AARS1: variants seen among roughly 807,000 people sequenced by gnomAD.
The protein encoded by AARS1 is alanyl-tRNA synthetase 1.
A neutral mutation model predicts 108.9 loss-of-function variants in AARS1; 72 were observed. That is an observed-to-expected ratio of 0.66 (90% CI 0.55 to 0.80). The LOEUF is 0.80. Among genes scored for constraint, AARS1 ranks in the 30% least tolerant of loss-of-function variants. The pLI is 0.00. For synonymous variants in AARS1, 489 were observed against 465.7 expected (o/e 1.05, Z -0.64); for missense variants, 1,193 against 1,233.2 (o/e 0.97, Z 0.49).
Position 70,265,459 on chromosome 16 carries a change from A to T in AARS1, c.1347+79T>A, listed in dbSNP as rs1021817858. 75 of 1,602,578 alleles carry T rather than the reference A, an allele frequency of 4.7e-5. No homozygotes were observed. In the Admixed American group the frequency reaches 1.3e-3, roughly 27 times the overall value. ...GCACTTCAAAGACTTTAATGGAAGG[A>T]AACTCATGCTCAGTCTGCAGCCAAG... is the stretch of plus-strand genomic sequence containing the variant. On this transcript the variant is annotated intron_variant, in intron 10 of 20. Transcript: ENST00000261772.
chr16:70,253,649 G>C, intron 19 of AARS1, 65 bp downstream of exon 19: 2 of 1,557,264 alleles, frequency 1.3e-6, no homozygotes, highest in Non-Finnish European at 1.8e-6. Flanking sequence ...GAGCCACAGA[G>C]GCCACATGTC....
chr16:70,286,949 C>T (rs1960859798), intron 1 of AARS1, among the ~76,000 whole-genome samples: 1 of 151,256 alleles, frequency 6.6e-6, no homozygotes, highest in African/African-American at 2.4e-5. Context: ...AACCCCATCT[C>T]TACTAAAAAT....
chr16:70,286,322 G>A (rs1960837761), intron 1 of AARS1, among the ~76,000 whole-genome samples: 1 of 151,662 alleles, frequency 6.6e-6, no homozygotes, highest in Non-Finnish European at 1.5e-5. Context: ...AAGGTCTTGG[G>A]TGCCTTAAAT....
At position 70,266,922 on chromosome 16, in the gene AARS1, C is replaced by T. The variant is rs560491002; in HGVS notation, c.1222+737G>A. On this transcript the variant is annotated intron_variant, in intron 9 of 20. Transcript: ENST00000261772. ...CATGATTTTGGCTCAATGCAACCTC[C>T]GCCTCCCCGGTTCAAGCAATTCTCC... 2.0e-4 allele frequency among the ~76,000 whole-genome samples: 31 copies of T among 152,190 alleles called. 1 individual carries two copies. Among genetic ancestry groups the T allele is most frequent in the South Asian group, 8.3e-4 (4 of 4,810 alleles).
chr16:70,280,709 T>G (rs181590738), intron 2 of AARS1, among the ~76,000 whole-genome samples: 1 of 152,228 alleles, frequency 6.6e-6, no homozygotes, highest in African/African-American at 2.4e-5. Context: ...TGGGAAGTAC[T>G]GTTTAGTGTC....
At position 70,258,133 on chromosome 16, in the gene AARS1, G is replaced by A. The variant is rs1317777724; in HGVS notation, c.2077C>T (p.Pro693Ser). 6.2e-7 allele frequency: 1 copy of A among 1,612,820 alleles called. No homozygotes were observed. Among genetic ancestry groups the A allele is most frequent in the East Asian group, 2.2e-5 (1 of 44,830 alleles). ...ACCCCAATGGAGACGACTCGCACAG[G>A]GTCAGGATAGGTCTCATCAAACACA... The part of the protein sequence containing the change: ...RAVFDETYPD[P>S]VRVVSIGVPV... The change falls in exon 15 of 21, where the codon CCT becomes TCT. Residue 693 changes from proline to serine, a missense_variant. Physicochemically the swap from Pro to Ser is moderately conservative, Grantham distance 74. Transcript: ENST00000261772.
At chr16:70,270,170 T>C in intron 6 of AARS1, 26 bp downstream of exon 6, 1 of 1,613,878 alleles carries the variant, frequency 6.2e-7, no homozygotes, top group Non-Finnish European at 8.5e-7. Context: ...CACAGAAGTT[T>C]ACAATGTTTG....
In AARS1 at chr16:70,269,688, G is replaced by C; in HGVS notation, c.892C>G (p.Leu298Val). ...ADGIDMAYRV[L>V]ADHARTITVA... is the part of the protein sequence containing the mutation. ...GTGATGGTCCGAGCGTGGTCAGCCAGCACCCGGTAGGCCATGTCAATCCCA... is the reference window on the plus strand; with the variant it reads ...GTGATGGTCCGAGCGTGGTCAGCCACCACCCGGTAGGCCATGTCAATCCCA... The change falls in exon 7 of 21, where the codon CTG (leucine) becomes GTG (valine). Residue 298 changes from leucine to valine, a missense_variant. Leu to Val is a conservative substitution (Grantham distance 32). Transcript: ENST00000261772. 1 of 1,614,140 alleles carries C rather than the reference G, an allele frequency of 6.2e-7. No homozygotes were observed. The highest frequency in any genetic ancestry group is 8.5e-7 in the Non-Finnish European group (1 of 1,180,016).
Position 70,267,825 on chromosome 16 carries a change from C to T in AARS1, c.1072-16G>A, listed in dbSNP as rs1323685357. On this transcript the variant is annotated splice_polypyrimidine_tract_variant and intron_variant, in intron 8 of 20. Coordinates refer to ENST00000261772, the MANE Select transcript of AARS1 (RefSeq NM_001605.3). ...ATGCATCTCCCTGACAAAGGGGAAGCAAGATGAGGGGCTGGATGAAGCCAG... is the reference window on the plus strand; with the variant it reads ...ATGCATCTCCCTGACAAAGGGGAAGTAAGATGAGGGGCTGGATGAAGCCAG... 2.5e-6 allele frequency: 4 copies of T among 1,613,968 alleles called. No homozygotes were observed. Among genetic ancestry groups the T allele is most frequent in the Non-Finnish European group, 3.4e-6 (4 of 1,180,022 alleles).
chr16:70,283,713 G>C (rs1185138789), intron 1 of AARS1, among the ~76,000 whole-genome samples: 1 of 152,160 alleles, frequency 6.6e-6, no homozygotes, highest in Non-Finnish European at 1.5e-5. Flanking sequence ...GGGCCTATCT[G>C]TACAAGGGAC....
At chr16:70,275,947 A>AAAAAAAAAAAAAAC (rs1960538232) in intron 4 of AARS1, 1 of 148,260 alleles carries the variant, frequency 6.7e-6, no homozygotes, top group African/African-American at 2.5e-5. Context: ...AAAAAAAAAA[A>AAAAAAAAAAAAAAC]AAAAAAAAAA....
intron 3 of AARS1, 126 bp from the exon 4 acceptor site, chr16:70,276,757 C>T: frequency 8.0e-7 from 1 of 1,252,728 alleles, no homozygotes; most frequent in East Asian, 2.5e-5. Context: ...AATTCAAGAT[C>T]AGTTTATGTA....
intron 2 of AARS1, among the ~76,000 whole-genome samples, chr16:70,280,614 C>A (rs1404530413): frequency 6.6e-6 from 1 of 152,108 alleles, no homozygotes; most frequent in Non-Finnish European, 1.5e-5. Flanking sequence ...GCAGATGCCC[C>A]GGGGGAGCAG....
chr16:70,273,509 G>A (rs1402766085), intron 4 of AARS1, among the ~76,000 whole-genome samples: 1 of 152,116 alleles, frequency 6.6e-6, no homozygotes, highest in Non-Finnish European at 1.5e-5. Context: ...CTTGAGCTCA[G>A]GAGTTCAAGA....
chr16:70,281,758 A>G (rs534335034), intron 2 of AARS1, among the ~76,000 whole-genome samples: 7 of 152,204 alleles, frequency 4.6e-5, no homozygotes, highest in Non-Finnish European at 5.9e-5. Context: ...AGGCTGACAT[A>G]AGAGGATCAC....
Position 70,252,469 on chromosome 16 carries a change from G to T in AARS1, c.*252C>A. 1 of 555,404 alleles carries T rather than the reference G, an allele frequency of 1.8e-6. No individual in the cohort carries two copies. The highest frequency in any genetic ancestry group is 3.2e-6 in the Non-Finnish European group (1 of 309,040). 34.4% of individuals were successfully genotyped at this position (555,404 alleles called of 1,614,324 possible). On this transcript the variant is annotated 3_prime_UTR_variant, in exon 21 of 21. Transcript: ENST00000261772. ...GCGGAAAGCTCAGGTCTGGAGAGCCGTTATCTATAGATGCGAGCGTGACGA... is the reference window on the plus strand; with the variant it reads ...GCGGAAAGCTCAGGTCTGGAGAGCCTTTATCTATAGATGCGAGCGTGACGA...
chr16:70,289,332 T>C, intron 1 of AARS1, 89 bp downstream of exon 1: 2 of 354,698 alleles, frequency 5.6e-6, no homozygotes, highest in Non-Finnish European at 1.1e-5. Flanking sequence ...GGCCTGATCC[T>C]GGGGCCCACT....
chr16:70,279,679 A>AAC (rs1327763194), intron 2 of AARS1, among the ~76,000 whole-genome samples: 1 of 151,128 alleles, frequency 6.6e-6, no homozygotes, highest in Non-Finnish European at 1.5e-5. Flanking sequence ...ACAAAAAAAA[A>AAC]AAAAAAAAGA....
intron 11 of AARS1, among the ~76,000 whole-genome samples, chr16:70,264,489 G>C (rs951631084): frequency 4.0e-5 from 6 of 151,786 alleles, no homozygotes; most frequent in Non-Finnish European, 8.8e-5. Context: ...GCTAATTTCC[G>C]TATTTTTAGT....
Sources: gnomAD v4.1 joint callset for allele counts (sites outside exome capture counted in the v4.1 genomes callset) on GRCh38, gnomAD v4.1.1 for gene constraint, MANE v1.5 for transcripts, NCBI Gene and HGNC (gene_info 2026-07-23, HGNC 2026-07-21) for gene names.